Variants in BBS9 observed in about 807,000 individuals in gnomAD.
The protein encoded by BBS9 is protein PTHB1.
In BBS9, 89 loss-of-function variants were observed where a neutral mutation model predicts 117.7. The ratio of observed to expected loss-of-function variants is 0.76; its 90% CI spans 0.64 to 0.90. The LOEUF is 0.90. BBS9 is among the 40% of genes least tolerant of loss of function. The probability of loss-of-function intolerance (pLI) is 0.00; values close to 1 mark genes in which losing one functional copy is unlikely to be tolerated. For synonymous variants in BBS9, 379 were observed against 370.9 expected (o/e 1.02, Z -0.25); for missense variants, 982 against 1,042.2 (o/e 0.94, Z 0.80).
chr7:33,627,062 C>G (rs1279383976), intron 21 of BBS9, among the ~76,000 whole-genome samples: 9 of 152,236 alleles, frequency 5.9e-5, no homozygotes, highest in Non-Finnish European at 1.3e-4. Flanking sequence ...TTGTGGTAGC[C>G]CTTCCCATCA....
intron 19 of BBS9, among the ~76,000 whole-genome samples, chr7:33,475,666 C>G (rs1363119364): frequency 1.3e-5 from 2 of 152,002 alleles, no homozygotes; most frequent in Non-Finnish European, 2.9e-5. Flanking sequence ...GGGACAAACT[C>G]TCTGATTTCT....
chr7:33,310,997 C>G (rs886137369), intron 9 of BBS9, among the ~76,000 whole-genome samples: 1 of 152,096 alleles, frequency 6.6e-6, no homozygotes, highest in African/African-American at 2.4e-5. Flanking sequence ...GTGAGAAGTA[C>G]TGTGAAGGAA....
At chr7:33,569,075 A>G (rs1454492250) in intron 21 of BBS9, among the ~76,000 whole-genome samples, 1 of 152,180 alleles carries the variant, frequency 6.6e-6, no homozygotes, top group Non-Finnish European at 1.5e-5. Context: ...GGAACCTAAA[A>G]TTGGATACAA....
At chr7:33,561,902 T>C (rs766435090) in intron 21 of BBS9, among the ~76,000 whole-genome samples, 4 of 152,238 alleles carry the variant, frequency 2.6e-5, no homozygotes, top group Non-Finnish European at 5.9e-5. Context: ...TACTTTATGT[T>C]ATTGATTCAA....
intron 7 of BBS9, among the ~76,000 whole-genome samples, chr7:33,270,551 C>G (rs911493245): frequency 6.6e-6 from 1 of 152,108 alleles, no homozygotes; most frequent in Non-Finnish European, 1.5e-5. Flanking sequence ...AAACACACTA[C>G]AAGAATTCGT....
At chr7:33,425,748 T>C (rs1833569146) in intron 19 of BBS9, among the ~76,000 whole-genome samples, 1 of 152,226 alleles carries the variant, frequency 6.6e-6, no homozygotes, top group Non-Finnish European at 1.5e-5. Flanking sequence ...TAAGCAGAGA[T>C]GCTATTGTCT....
At chr7:33,619,363 T>C (rs1376923290) in intron 21 of BBS9, among the ~76,000 whole-genome samples, 3 of 152,010 alleles carry the variant, frequency 2.0e-5, no homozygotes, top group African/African-American at 7.2e-5. Context: ...ATAAAGAAAA[T>C]ATTAATAGAA....
chr7:33,542,273 C>T (rs566888507), intron 21 of BBS9, among the ~76,000 whole-genome samples: 3 of 152,030 alleles, frequency 2.0e-5, no homozygotes, highest in African/African-American at 4.8e-5. Context: ...TTAGTAGAGA[C>T]GGGGTTTCAC....
At chr7:33,614,809 T>G (rs2129217310) in intron 21 of BBS9, among the ~76,000 whole-genome samples, 1 of 152,216 alleles carries the variant, frequency 6.6e-6, no homozygotes, top group South Asian at 2.1e-4. Flanking sequence ...GAAAATCCTT[T>G]CATGTTTCCA....
At chr7:33,460,110 A>C (rs1484203620) in intron 19 of BBS9, among the ~76,000 whole-genome samples, 1 of 152,172 alleles carries the variant, frequency 6.6e-6, no homozygotes, top group Admixed American at 6.6e-5. Flanking sequence ...AGCCTCCTAC[A>C]GCTGAAAGGC....
chr7:33,366,509 A>C (rs1415786254), intron 16 of BBS9, among the ~76,000 whole-genome samples: 2 of 125,142 alleles, frequency 1.6e-5, no homozygotes, highest in African/African-American at 6.0e-5. Context: ...CCCCGTGATG[A>C]TGTTTAATGT....
At chr7:33,173,564 T>C (rs1038392406) in intron 4 of BBS9, among the ~76,000 whole-genome samples, 2 of 144,208 alleles carry the variant, frequency 1.4e-5, no homozygotes, top group African/African-American at 5.1e-5. Context: ...AGAGCGAGAC[T>C]CCATCCTAAA....
At chr7:33,182,016 G>A (rs1798170624) in intron 5 of BBS9, among the ~76,000 whole-genome samples, 1 of 152,196 alleles carries the variant, frequency 6.6e-6, no homozygotes. Context: ...GAACCCAGGA[G>A]GCGGAGCTTG....
intron 19 of BBS9, among the ~76,000 whole-genome samples, chr7:33,403,215 C>T (rs1829239915): frequency 6.6e-6 from 1 of 151,252 alleles, no homozygotes; most frequent in Admixed American, 6.6e-5. Flanking sequence ...ACATGGTACC[C>T]AGTAGGTAGT....
At chr7:33,533,154 C>T (rs1471944324) in intron 20 of BBS9, among the ~76,000 whole-genome samples, 1 of 152,210 alleles carries the variant, frequency 6.6e-6, no homozygotes, top group African/African-American at 2.4e-5. Context: ...GTTAGCTGAA[C>T]CCACCTGAGG....
At chr7:33,458,247 A>C (rs1270518920) in intron 19 of BBS9, among the ~76,000 whole-genome samples, 1 of 152,198 alleles carries the variant, frequency 6.6e-6, no homozygotes, top group Non-Finnish European at 1.5e-5. Context: ...CACATCTGAA[A>C]AATGTAAAAA....
chr7:33,560,056 C>T (rs769016272), intron 21 of BBS9, among the ~76,000 whole-genome samples: 4 of 152,224 alleles, frequency 2.6e-5, no homozygotes, highest in East Asian at 3.9e-4. Flanking sequence ...ACCCAGATAC[C>T]GTATCTGGGA....
chr7:33,342,304 A>C (rs1816731793), intron 11 of BBS9, among the ~76,000 whole-genome samples: 1 of 152,076 alleles, frequency 6.6e-6, no homozygotes, highest in Non-Finnish European at 1.5e-5. Flanking sequence ...ACCATTTTTC[A>C]TTCTACCTGA....
chr7:33,582,637 A>T (rs1251560977), intron 21 of BBS9, among the ~76,000 whole-genome samples: 1 of 151,918 alleles, frequency 6.6e-6, no homozygotes, highest in East Asian at 1.9e-4. Flanking sequence ...ATTTCTACTC[A>T]CTTGACCTCC....
Sources: allele counts gnomAD v4.1 joint callset (sites outside exome capture counted in the v4.1 genomes callset), GRCh38; gene constraint gnomAD v4.1.1; transcripts MANE v1.5; gene names NCBI Gene and HGNC (gene_info 2026-07-23, HGNC 2026-07-21).